TRDN: variants seen among roughly 807,000 people sequenced by gnomAD.
TRDN encodes triadin, also known as triadin in skeletal muscle.
A neutral mutation model predicts 149.7 loss-of-function variants in TRDN; 161 were observed. That is an observed-to-expected ratio of 1.08 (90% CI 0.95 to 1.23). TRDN has a LOEUF of 1.23. Among genes scored for constraint, TRDN ranks in the 50% most tolerant of loss-of-function variants. The pLI, the probability that TRDN is intolerant of heterozygous loss-of-function variation, is 0.00. For synonymous variants in TRDN, 294 were observed against 250.5 expected (o/e 1.17, Z -1.64); for missense variants, 896 against 823.5 (o/e 1.09, Z -1.08).
At chr6:123,245,211 C>A (rs1776129124) in intron 38 of TRDN, among the ~76,000 whole-genome samples, 1 of 152,072 alleles carries the variant, frequency 6.6e-6, no homozygotes, top group Non-Finnish European at 1.5e-5. Flanking sequence ...AGCCAGCTGG[C>A]ATCATAATGA....
intron 20 of TRDN, among the ~76,000 whole-genome samples, chr6:123,356,516 T>TATATATATATATACATATATATATAC (rs1780685557): frequency 3.2e-4 from 5 of 15,696 alleles, no homozygotes; most frequent in African/African-American, 1.1e-3. Flanking sequence ...TATATATATA[T>TATATATATATATACATATATATATAC]ATATATATAT....
At chr6:123,386,453 A>ATT (rs1781910528) in intron 14 of TRDN, among the ~76,000 whole-genome samples, 1 of 152,208 alleles carries the variant, frequency 6.6e-6, no homozygotes, top group Non-Finnish European at 1.5e-5. Flanking sequence ...ATATCAGATA[A>ATT]CAGCTCACCA....
intron 12 of TRDN, among the ~76,000 whole-genome samples, chr6:123,401,823 T>C (rs926015086): frequency 5.9e-5 from 9 of 151,990 alleles, no homozygotes; most frequent in African/African-American, 2.2e-4. Flanking sequence ...GGTGCTCACC[T>C]GTAATTCCAG....
intron 10 of TRDN, among the ~76,000 whole-genome samples, chr6:123,452,657 G>A (rs1421538840): frequency 6.6e-6 from 1 of 152,086 alleles, no homozygotes; most frequent in Non-Finnish European, 1.5e-5. Flanking sequence ...AATCAATCTT[G>A]GGAAAATGAC....
chr6:123,551,214 A>G (rs992952737), intron 2 of TRDN, among the ~76,000 whole-genome samples: 5 of 142,954 alleles, frequency 3.5e-5, no homozygotes, highest in African/African-American at 1.3e-4. Context: ...ATATATATAT[A>G]TATATATATT....
intron 1 of TRDN, among the ~76,000 whole-genome samples, chr6:123,603,113 A>G (rs1314382470): frequency 2.4e-5 from 1 of 40,948 alleles, no homozygotes; most frequent in African/African-American, 6.1e-5. Context: ...TCAAAGAACT[A>G]CTGAAATCCA....
At chr6:123,279,188 T>A in intron 24 of TRDN, 106 bp from the exon 25 acceptor site, 1 of 880,546 alleles carries the variant, frequency 1.1e-6, no homozygotes, top group Non-Finnish European at 1.7e-6. Flanking sequence ...TGAAACAATG[T>A]AGACCCCACC....
At chr6:123,442,032 C>T (rs1012015797) in intron 10 of TRDN, 4 of 152,168 alleles carry the variant, frequency 2.6e-5, no homozygotes, top group Admixed American at 2.6e-4. Flanking sequence ...ACCCAGCTCA[C>T]AATATGACCA....
chr6:123,636,859 T>G lies in TRDN; in HGVS notation c.-84A>C. On this transcript the variant is annotated 5_prime_UTR_variant, in exon 1 of 41. Coordinates refer to ENST00000334268, the MANE Select transcript of TRDN (RefSeq NM_006073.4). ...GTATTTGGGGATTTGAGAACTCTGGTGGAGGGTTCTGTGTCAAAACCTGGG... is the reference window on the plus strand; with the variant it reads ...GTATTTGGGGATTTGAGAACTCTGGGGGAGGGTTCTGTGTCAAAACCTGGG... 6.6e-7 allele frequency: 1 copy of G among 1,521,552 alleles called. No homozygotes were observed. The highest frequency in any genetic ancestry group is 9.1e-7 in the Non-Finnish European group (1 of 1,097,816). 94.3% of individuals were successfully genotyped at this position (1,521,552 alleles called of 1,614,324 possible).
chr6:123,265,594 G>C (rs1342195568), intron 32 of TRDN, among the ~76,000 whole-genome samples: 1 of 149,834 alleles, frequency 6.7e-6, no homozygotes, highest in Non-Finnish European at 1.5e-5. Context: ...CCTCATATTT[G>C]ATTTGATACA....
chr6:123,548,373 G>A (rs1781219266), intron 3 of TRDN, 81 bp downstream of exon 3: 1 of 1,190,114 alleles, frequency 8.4e-7, no homozygotes, highest in Non-Finnish European at 1.1e-6. Flanking sequence ...GTGCTCATTT[G>A]AATTTAAACT....
At chr6:123,374,861 C>A (rs1781451746) in intron 19 of TRDN, among the ~76,000 whole-genome samples, 1 of 152,076 alleles carries the variant, frequency 6.6e-6, no homozygotes, top group African/African-American at 2.4e-5. Context: ...AGTAGCATCA[C>A]CAGTACTTGT....
At chr6:123,624,306 G>A (rs1785540985) in intron 1 of TRDN, among the ~76,000 whole-genome samples, 1 of 152,094 alleles carries the variant, frequency 6.6e-6, no homozygotes, top group Non-Finnish European at 1.5e-5. Flanking sequence ...CGATAGTATA[G>A]CACATCATTC....
intron 12 of TRDN, among the ~76,000 whole-genome samples, chr6:123,429,767 T>C (rs555212394): frequency 6.6e-6 from 1 of 152,346 alleles, no homozygotes; most frequent in African/African-American, 2.4e-5. Flanking sequence ...TATAATTACA[T>C]TATTTTATTT....
At chr6:123,282,465 A>G (rs1029496905) in intron 24 of TRDN, among the ~76,000 whole-genome samples, 11 of 151,922 alleles carry the variant, frequency 7.2e-5, no homozygotes, top group Non-Finnish European at 1.6e-4. Flanking sequence ...TTTAACAGAT[A>G]TTTGTCAAAT....
At chr6:123,612,001 T>A (rs1206229135) in intron 1 of TRDN, among the ~76,000 whole-genome samples, 1 of 151,918 alleles carries the variant, frequency 6.6e-6, no homozygotes, top group Non-Finnish European at 1.5e-5. Flanking sequence ...ACCTTTCAAC[T>A]TAAGTCAAAA....
chr6:123,587,758 G>A (rs1241918713), intron 1 of TRDN, among the ~76,000 whole-genome samples: 1 of 150,044 alleles, frequency 6.7e-6, no homozygotes, highest in African/African-American at 2.5e-5. Flanking sequence ...GGTAGGTAAA[G>A]CAAAAGGGGG....
intron 12 of TRDN, chr6:123,429,138 A>G (rs1159519147): frequency 6.6e-6 from 1 of 152,174 alleles, no homozygotes; most frequent in African/African-American, 2.4e-5. Flanking sequence ...TAGAATTAGA[A>G]GACAAAGTGC....
intron 38 of TRDN, among the ~76,000 whole-genome samples, chr6:123,237,874 T>C (rs1775847660): frequency 6.6e-6 from 1 of 152,054 alleles, no homozygotes; most frequent in Non-Finnish European, 1.5e-5. Flanking sequence ...TAAGAGAACA[T>C]ACTTGAAGAA....
Sources: allele counts gnomAD v4.1 joint callset (sites outside exome capture counted in the v4.1 genomes callset), GRCh38; gene constraint gnomAD v4.1.1; transcripts MANE v1.5; gene names NCBI Gene and HGNC (gene_info 2026-07-23, HGNC 2026-07-21).